The following DNMT3A variants were observed in gnomAD, a reference collection of about 807,000 sequenced individuals.
The protein encoded by DNMT3A is DNA methyltransferase 3 alpha.
In DNMT3A, 267 loss-of-function variants were observed where a neutral mutation model predicts 117.6. The ratio of observed to expected loss-of-function variants is 2.27; its 90% CI spans 2.05 to 2.51. DNMT3A has a LOEUF of 2.51. Ranked by LOEUF, DNMT3A falls within the 30% of genes most tolerant of loss-of-function variation. The pLI is 0.00. For missense variants in DNMT3A, 1,029 were observed against 1,260.2 expected, an observed-to-expected ratio of 0.82 and a Z score of 2.78; for synonymous variants, 432 against 474.8, an observed-to-expected ratio of 0.91 and a Z score of 1.17.
intron 2 of DNMT3A, among the ~76,000 whole-genome samples, chr2:25,312,894 C>A (rs556507264): frequency 1.3e-5 from 2 of 152,156 alleles, no homozygotes; most frequent in African/African-American, 4.8e-5. Flanking sequence ...AAAGAACCAA[C>A]TGGTGCCCCC....
intron 1 of DNMT3A, among the ~76,000 whole-genome samples, chr2:25,340,074 A>G (rs1182622880): frequency 1.3e-5 from 2 of 152,132 alleles, no homozygotes; most frequent in Non-Finnish European, 2.9e-5. Context: ...GCTTCTCCCC[A>G]AGGCTTCTGT....
intron 1 of DNMT3A, 119 bp downstream of exon 1, chr2:25,341,707 G>A (rs2035464464): frequency 2.7e-6 from 2 of 748,628 alleles, no homozygotes; most frequent in Non-Finnish European, 3.2e-6. Context: ...CCGAGTTGCA[G>A]GGGTCCGGGA....
chr2:25,333,517 G>A (rs1483965303), intron 1 of DNMT3A, among the ~76,000 whole-genome samples: 1 of 152,102 alleles, frequency 6.6e-6, no homozygotes, highest in African/African-American at 2.4e-5. Flanking sequence ...TTTTAGTAGA[G>A]AGGTGGTTTC....
chr2:25,310,536 A>C (rs2034056522), intron 2 of DNMT3A, among the ~76,000 whole-genome samples: 1 of 152,094 alleles, frequency 6.6e-6, no homozygotes, highest in Admixed American at 6.5e-5. Context: ...TCCCAGCCAC[A>C]GCATGGCTGC....
rs1331228133 is a variant in DNMT3A at position 25,241,555 on chromosome 2, G to T, written c.2082+7C>A. 1.2e-6 allele frequency: 2 copies of T among 1,611,898 alleles called. No homozygotes were observed. Among genetic ancestry groups the T allele is most frequent in the East Asian group, 2.2e-5 (1 of 44,834 alleles). On this transcript the variant is annotated splice_region_variant and intron_variant, in intron 17 of 22. Coordinates refer to ENST00000321117, the MANE Select transcript of DNMT3A (RefSeq NM_022552.5). Reference sequence around the variant, plus strand: ...AAGACGGGCTGCGCCCCACAGCATGGACATACATGCTTCTGTGTGACGCTG... The same window carrying T: ...AAGACGGGCTGCGCCCCACAGCATGTACATACATGCTTCTGTGTGACGCTG...
chr2:25,236,308 G>A lies in DNMT3A; in HGVS notation c.2479-483C>T, dbSNP rs1362809328. On this transcript the variant is annotated intron_variant, in intron 21 of 22. Coordinates refer to ENST00000321117, the MANE Select transcript of DNMT3A (RefSeq NM_022552.5). The surrounding 1 kb of genome is among the most constrained non-coding windows in gnomAD (Gnocchi z 4.5). ...TCAAACTCCTGACCTCAGGTGATCC[G>A]CCTGCCTCGGCCTCCCAAAGTATTG... Among the ~76,000 whole-genome samples, 2 of 152,090 alleles carry A rather than the reference G, an allele frequency of 1.3e-5. No individual in the cohort carries two copies. The highest frequency in any genetic ancestry group is 2.4e-5 in the African/African-American group (1 of 41,414).
chr2:25,237,713 C>T lies in DNMT3A; in HGVS notation c.2409-708G>A, dbSNP rs943178469. 6.6e-6 allele frequency among the ~76,000 whole-genome samples: 1 copy of T among 151,312 alleles called. No homozygotes were observed. The highest frequency in any genetic ancestry group is 2.4e-5 in the African/African-American group (1 of 41,086). On this transcript the variant is annotated intron_variant, in intron 20 of 22. Coordinates refer to ENST00000321117, the MANE Select transcript of DNMT3A (RefSeq NM_022552.5). This position sits in a 1 kb window ranked among gnomAD's most constrained non-coding sequence, Gnocchi z 5.4. ...CTGGGAGGCGGAGGCTGCAGTGAGCCAGGATGGCACCACTGCACTCCAGCC... is the reference window on the plus strand; with the variant it reads ...CTGGGAGGCGGAGGCTGCAGTGAGCTAGGATGGCACCACTGCACTCCAGCC...
At position 25,234,346 on chromosome 2, in the gene DNMT3A, C is replaced by T. The variant is rs1389510486; in HGVS notation, c.2672G>A (p.Arg891Gln). 1 of 1,614,136 alleles carries T rather than the reference C, an allele frequency of 6.2e-7. No individual in the cohort carries two copies. Residue 891 changes from arginine (R) to glutamine (Q), a missense_variant, in exon 23 of 23, where the codon CGG becomes CAG. Arg to Gln is a conservative substitution (Grantham distance 43). Transcript: ENST00000321117. This position sits in a 1 kb window ranked among gnomAD's most constrained non-coding sequence, Gnocchi z 4.5. ...SRLARQRLLG[R>Q]SWSVPVIRHL... ...GCGGATGACTGGCACGCTCCATGAC[C>T]GGCCCAGCAGTCTCTGCCTCGCCAA...
At chr2:25,261,741 C>T (rs1676632470) in intron 6 of DNMT3A, among the ~76,000 whole-genome samples, 1 of 152,070 alleles carries the variant, frequency 6.6e-6, no homozygotes, top group Non-Finnish European at 1.5e-5. Flanking sequence ...TGGACGTTGA[C>T]CCCCGGCCAC....
intron 21 of DNMT3A, 44 bp from the exon 22 acceptor site, chr2:25,235,869 C>A (rs1558653421): frequency 6.6e-7 from 1 of 1,525,314 alleles, no homozygotes; most frequent in Non-Finnish European, 9.1e-7. Flanking sequence ...AATTCATTCA[C>A]CAGCCAACAC....
chr2:25,340,589 G>C (rs374361627), intron 1 of DNMT3A, among the ~76,000 whole-genome samples: 32 of 152,088 alleles, frequency 2.1e-4, no homozygotes, highest in African/African-American at 4.3e-4. Context: ...CGCCGCCTGC[G>C]GCTCCGAAGC....
chr2:25,241,662 A>G lies in DNMT3A; in HGVS notation c.1982T>C (p.Ile661Thr), dbSNP rs1471917721. 2 of 1,613,928 alleles carry G rather than the reference A, an allele frequency of 1.2e-6. No homozygotes were observed. The highest frequency in any genetic ancestry group is 1.3e-5 in the African/African-American group (1 of 74,900). ...GGAGTCCTCACACACCTCCGAGGCA[A>G]TGTAGCGGTCCACCTGAATGCCCAA... Reference protein sequence around the residue: ...KDLGIQVDRYIASEVCEDSIT... With the variant: ...KDLGIQVDRYTASEVCEDSIT... The change falls in exon 17 of 23, where the codon ATT becomes ACT. Residue 661 changes from isoleucine (I) to threonine (T), a missense_variant. Ile to Thr is a moderately conservative substitution (Grantham distance 89). Transcript: ENST00000321117.
chr2:25,287,839 CT>C (rs112621064), intron 3 of DNMT3A, among the ~76,000 whole-genome samples: 103 of 145,068 alleles, frequency 7.1e-4, no homozygotes, highest in Admixed American at 9.6e-4. Context: ...CAAAGGAACA[CT>C]TTTTTTTTTT....
At position 25,240,465 on chromosome 2, in the gene DNMT3A, G is replaced by C. The variant is rs1374464783; in HGVS notation, c.2174-15C>G. 6.3e-7 allele frequency: 1 copy of C among 1,596,620 alleles called. No homozygotes were observed. The highest frequency in any genetic ancestry group is 8.5e-7 in the Non-Finnish European group (1 of 1,171,624). On this transcript the variant is annotated splice_polypyrimidine_tract_variant and intron_variant, in intron 18 of 22. Transcript: ENST00000321117. ...GCCAGTGCCCTCTGAGAGGTCGGAA[G>C]AGAAAGCCATCAGCTGGGGCTGTCT...
rs1056069106 is a variant in DNMT3A at position 25,306,844 on chromosome 2, A to T, written c.73-6601T>A. Among the ~76,000 whole-genome samples the T allele has an allele frequency of 2.0e-5, 3 of 152,256 alleles. No homozygotes were observed. The highest frequency in any genetic ancestry group is 4.4e-5 in the Non-Finnish European group (3 of 68,038). On this transcript the variant is annotated intron_variant, in intron 2 of 22. Transcript: ENST00000321117. The surrounding 1 kb of genome is among the most constrained non-coding windows in gnomAD (Gnocchi z 4.1). ...CAGAGGGAGACAACAACATGTAAAC[A>T]AGTACCTGATGCCATGCTGAGCCCA...
rs1285498480 is a variant in DNMT3A, at chr2:25,300,732, T to C, written c.73-489A>G. Among the ~76,000 whole-genome samples, 230 of 32,810 alleles carry C rather than the reference T, an allele frequency of 7.0e-3. 16 individuals carry two copies. The highest frequency in any genetic ancestry group is 0.028 in the African/African-American group (212 of 7,494). 21.5% of individuals were successfully genotyped at this position (32,810 alleles called of 152,430 possible). On this transcript the variant is annotated intron_variant, in intron 2 of 22. Transcript: ENST00000321117. The stretch of plus-strand genomic sequence containing the variant: ...AATATAATATATATATATATATATA[T>C]ATATATATATATATATATATATATA...
chr2:25,307,667 T>C (rs2033857525), intron 2 of DNMT3A, among the ~76,000 whole-genome samples: 1 of 152,122 alleles, frequency 6.6e-6, no homozygotes, highest in African/African-American at 2.4e-5. Context: ...GGTTTTGCCA[T>C]GTTGGCCAGG....
In DNMT3A at chr2:25,240,697, CA is replaced by C. The variant is rs1673917257; in HGVS notation, c.2115del (p.Ile705MetfsTer74). ...IQEWGPFDLVIGGSPCNDLSI... is the reference protein window; with the variant it reads ...IQEWGPFDLVXGGSPCNDLSI... The stretch of plus-strand genomic sequence containing the variant: ...GAGAGGTCATTGCAGGGACTGCCCC[CA>C]ATCACCAGATCGAATGGGCCCCACT... On this transcript the variant is annotated frameshift_variant, in exon 18 of 23. Coordinates refer to ENST00000321117, the MANE Select transcript of DNMT3A (RefSeq NM_022552.5). LOFTEE classifies it high-confidence loss of function. 2.5e-6 allele frequency: 4 copies of C among 1,614,168 alleles called. No individual in the cohort carries two copies. The highest frequency in any genetic ancestry group is 3.4e-6 in the Non-Finnish European group (4 of 1,180,000).
intron 2 of DNMT3A, 132 bp from the exon 3 acceptor site, chr2:25,300,375 G>C (rs2033360213): frequency 9.6e-7 from 1 of 1,041,980 alleles, no homozygotes; most frequent in African/African-American, 1.6e-5. Flanking sequence ...ACACTTCCAG[G>C]GCTGTGTAAT....
Sources: allele counts gnomAD v4.1 joint callset (sites outside exome capture counted in the v4.1 genomes callset), GRCh38; gene constraint gnomAD v4.1.1; non-coding constraint Gnocchi (gnomAD v3.1); transcripts MANE v1.5; gene names NCBI Gene and HGNC (gene_info 2026-07-23, HGNC 2026-07-21).